Variants in NOL4L observed in about 807,000 individuals in gnomAD.
NOL4L encodes nucleolar protein 4 like, also known as nucleolar protein 4-like.
In NOL4L, 7 loss-of-function variants were observed where a neutral mutation model predicts 64.5. That is an observed-to-expected ratio of 0.11 (90% CI 0.06 to 0.20). The LOEUF is 0.20. Among genes scored for constraint, NOL4L ranks in the 10% least tolerant of loss-of-function variants. NOL4L has a pLI of 1.00. For synonymous variants in NOL4L, 413 were observed against 401.0 expected (o/e 1.03, Z -0.36); for missense variants, 680 against 967.1 (o/e 0.70, Z 3.94).
Position 32,520,803 on chromosome 20 carries a change from C to A in NOL4L, c.589+8G>T. 1 of 1,534,454 alleles carries A rather than the reference C, an allele frequency of 6.5e-7. No individual in the cohort carries two copies. On this transcript the variant is annotated splice_region_variant and intron_variant, in intron 3 of 10. Transcript: ENST00000621426. ...CGCCCTAGCCCTCCAGCACGCCACC[C>A]CTGCTACCTTTGGGTTCCAGGCCAT...
Position 32,447,600 on chromosome 20 carries a change from T to C in NOL4L, c.2039A>G (p.Asn680Ser). ...GCGCTCCAGGTGCCGGTGGGGTCAG[T>C]TCTGCTGTAGGATGAGGTTTTCCAG... ...DELENLILQQ[N>S] Residue 680 changes from asparagine to serine, a missense_variant, in exon 11 of 11, where the codon AAC becomes AGC. Asn to Ser is a conservative substitution (Grantham distance 46, BLOSUM62 1). Transcript: ENST00000621426. 6.3e-7 allele frequency: 1 copy of C among 1,597,694 alleles called. No homozygotes were observed. The highest frequency in any genetic ancestry group is 8.5e-7 in the Non-Finnish European group (1 of 1,177,188).
At chr20:32,452,068 T>C (rs1282305870) in intron 10 of NOL4L, among the ~76,000 whole-genome samples, 168 bp downstream of exon 10, 1 of 152,118 alleles carries the variant, frequency 6.6e-6, no homozygotes, top group Non-Finnish European at 1.5e-5. Flanking sequence ...GCTAAGACGA[T>C]GAAGTGGAAG....
rs966412461 is a variant in NOL4L, at chr20:32,474,871, C to T, written c.700-129G>A. The T allele has an allele frequency of 2.8e-6, 4 of 1,431,634 alleles. No individual in the cohort carries two copies. The Admixed American group carries it at 1.1e-4, about 39-fold the overall frequency. The allele number at this position is 1,431,634 out of a possible 1,614,324, so 88.7% of individuals were successfully genotyped here. A position where few individuals can be genotyped will look rare whatever the true frequency, so the allele number is the denominator to read the frequency against. On this transcript the variant is annotated intron_variant, in intron 4 of 10. Transcript: ENST00000621426. ...CCTGAAGGCGGCAGGAGCCCTCAAA[C>T]CTTGAAGTGAGGGCTGGGTGGTGCT...
chr20:32,495,467 AG>A (rs1192252903), intron 4 of NOL4L, among the ~76,000 whole-genome samples: 1 of 152,188 alleles, frequency 6.6e-6, no homozygotes, highest in African/African-American at 2.4e-5. Flanking sequence ...TGGGGACGAA[AG>A]GGGTAGGTAG....
rs184228334 is a variant in NOL4L at position 32,455,414 on chromosome 20, A to G, written c.1119+704T>C. Among the ~76,000 whole-genome samples the G allele has an allele frequency of 2.2e-3, 332 of 152,112 alleles. 2 individuals are homozygous for G. Among genetic ancestry groups the G allele is most frequent in the Non-Finnish European group, 3.6e-3 (244 of 67,972 alleles). ...CCAAATGAGGCAGGCAGTAGCACCT[A>G]CTCCACTCTCTCTGCAGAAGAGAAA... On this transcript the variant is annotated intron_variant, in intron 6 of 10. Coordinates refer to ENST00000621426, the MANE Select transcript of NOL4L (RefSeq NM_001256798.2).
intron 1 of NOL4L, among the ~76,000 whole-genome samples, chr20:32,558,583 G>A (rs1317540534): frequency 2.0e-5 from 3 of 152,172 alleles, no homozygotes; most frequent in Admixed American, 6.5e-5. Flanking sequence ...TGGGTACACG[G>A]CCGCCCCACC....
chr20:32,464,188 C>A lies in NOL4L; in HGVS notation c.842-7793G>T, dbSNP rs1267942850. ...TGCTCTGAATTTGAGGCGTGCACCT[C>A]CCCAGGACTGGCCCCCTGCCTGCTT... On this transcript the variant is annotated intron_variant, in intron 5 of 10. Transcript: ENST00000621426. The surrounding 1 kb of genome is among the most constrained non-coding windows in gnomAD (Gnocchi z 5.6). Among the ~76,000 whole-genome samples, 1 of 152,170 alleles carries A rather than the reference C, an allele frequency of 6.6e-6. No homozygotes were observed. The highest frequency in any genetic ancestry group is 1.5e-5 in the Non-Finnish European group (1 of 68,024).
In NOL4L at chr20:32,447,664, G is replaced by A; in HGVS notation, c.1975C>T (p.Arg659Trp). ...SAVRQLIAGY[R>W]ESAAFLLRSA... Reference sequence around the variant, plus strand: ...CGCAGCAGGAAGGCAGCAGACTCCCGGTAGCCCGCGATGAGCTGCCGCACG... The same window carrying A: ...CGCAGCAGGAAGGCAGCAGACTCCCAGTAGCCCGCGATGAGCTGCCGCACG... Residue 659 changes from arginine (R) to tryptophan (W), a missense_variant, in exon 11 of 11, where the codon CGG becomes TGG. Coordinates refer to ENST00000621426, the MANE Select transcript of NOL4L (RefSeq NM_001256798.2). 1.2e-6 allele frequency: 2 copies of A among 1,612,024 alleles called. No individual in the cohort carries two copies. The highest frequency in any genetic ancestry group is 1.7e-6 in the Non-Finnish European group (2 of 1,179,944).
chr20:32,535,490 GCCGCCA>G, intron 1 of NOL4L: 1 of 702,124 alleles, frequency 1.4e-6, no homozygotes, highest in Non-Finnish European at 1.8e-6. Flanking sequence ...CGTAGCTGCC[GCCGCCA>G]CCGCCACCAC....
chr20:32,465,452 C>T (rs1011048839), intron 5 of NOL4L, among the ~76,000 whole-genome samples: 1 of 152,250 alleles, frequency 6.6e-6, no homozygotes, highest in South Asian at 2.1e-4. Context: ...AGAGCCCCTC[C>T]CCCAACACCT....
intron 5 of NOL4L, among the ~76,000 whole-genome samples, chr20:32,462,761 T>G (rs2014185810): frequency 6.6e-6 from 1 of 151,734 alleles, no homozygotes; most frequent in Admixed American, 6.6e-5. Context: ...AAAAATTAGC[T>G]GGGCGTGGTG....
intron 2 of NOL4L, among the ~76,000 whole-genome samples, chr20:32,526,313 C>T (rs530770181): frequency 6.6e-6 from 1 of 152,272 alleles, no homozygotes; most frequent in South Asian, 2.1e-4. Context: ...CTCAGAACTC[C>T]CTTCCCACAA....
intron 6 of NOL4L, chr20:32,454,043 G>A: frequency 2.3e-6 from 1 of 430,252 alleles, no homozygotes; most frequent in Non-Finnish European, 4.3e-6. Context: ...GAGCGCTTAG[G>A]AGGGTGTCAG....
intron 1 of NOL4L, among the ~76,000 whole-genome samples, chr20:32,583,630 C>A (rs1349684237): frequency 6.7e-6 from 1 of 149,754 alleles, no homozygotes; most frequent in Non-Finnish European, 1.5e-5. Flanking sequence ...AGCTCAGCAG[C>A]GCCCCGGGAG....
At chr20:32,465,016 C>A (rs772866313) in intron 5 of NOL4L, 9 of 623,016 alleles carry the variant, frequency 1.4e-5, no homozygotes, top group South Asian at 1.3e-4. Context: ...AAACTGAAAT[C>A]ATTTCTCTCT....
chr20:32,504,941 G>A (rs961922378), intron 4 of NOL4L, among the ~76,000 whole-genome samples: 5 of 152,194 alleles, frequency 3.3e-5, no homozygotes, highest in African/African-American at 9.7e-5. Flanking sequence ...CACACATTGA[G>A]CCACAGCAGG....
intron 5 of NOL4L, among the ~76,000 whole-genome samples, chr20:32,461,229 C>G (rs532737552): frequency 0.01 from 1,546 of 152,270 alleles, 13 homozygotes; most frequent in Non-Finnish European, 0.015. Flanking sequence ...TTCCAGCGAG[C>G]CCCTATGGCT....
intron 4 of NOL4L, chr20:32,486,666 G>A (rs758534397): frequency 1.6e-4 from 72 of 461,586 alleles, no homozygotes; most frequent in African/African-American, 2.0e-5. Context: ...CCCCACAAAT[G>A]ACTTATTAAT....
chr20:32,482,288 G>C (rs75931153), intron 4 of NOL4L, among the ~76,000 whole-genome samples: 6,128 of 152,152 alleles, frequency 0.04, 427 homozygotes, highest in African/African-American at 0.14. Context: ...ATGGGGAGGA[G>C]GGGGTGGGCC....
Sources: allele counts gnomAD v4.1 joint callset (sites outside exome capture counted in the v4.1 genomes callset), GRCh38; gene constraint gnomAD v4.1.1; non-coding constraint Gnocchi (gnomAD v3.1); transcripts MANE v1.5; gene names NCBI Gene and HGNC (gene_info 2026-07-23, HGNC 2026-07-21).